RNMT: variants seen among roughly 807,000 people sequenced by gnomAD.
The protein encoded by RNMT is RNA guanine-7 methyltransferase.
A neutral mutation model predicts 56.0 loss-of-function variants in RNMT; 27 were observed. The observed-to-expected ratio is 0.48, with a 90% CI of 0.36 to 0.67. The LOEUF (loss-of-function observed/expected upper bound fraction) is 0.67, where lower values mean the gene tolerates loss of function less well. Ranked by LOEUF, RNMT falls within the 30% of genes least tolerant of loss-of-function variation. The pLI is 0.00. For missense variants in RNMT, 519 were observed against 552.1 expected (o/e 0.94, Z 0.60); for synonymous variants, 184 against 176.2 (o/e 1.04, Z -0.35).
intron 10 of RNMT, among the ~76,000 whole-genome samples, chr18:13,753,801 G>A (rs2044495061): frequency 8.0e-6 from 1 of 125,386 alleles, no homozygotes; most frequent in African/African-American, 3.3e-5. Flanking sequence ...ATACAAGATA[G>A]ATGCATTTTC....
chr18:13,750,603 C>T (rs2044424991), intron 9 of RNMT, among the ~76,000 whole-genome samples: 1 of 151,862 alleles, frequency 6.6e-6, no homozygotes, highest in Non-Finnish European at 1.5e-5. Flanking sequence ...AATTTAAGAC[C>T]AGCCTGGGCA....
intron 1 of RNMT, 181 bp from the exon 2 acceptor site, chr18:13,730,446 T>G (rs962424370): frequency 6.6e-6 from 1 of 152,222 alleles, no homozygotes; most frequent in Non-Finnish European, 1.5e-5. Context: ...TTGATGCCCT[T>G]AGTGTCCATA....
At chr18:13,749,498 C>G (rs545598704) in intron 9 of RNMT, among the ~76,000 whole-genome samples, 1 of 152,112 alleles carries the variant, frequency 6.6e-6, no homozygotes, top group South Asian at 2.1e-4. Context: ...AGAAAAGAGA[C>G]AAAGAAGATT....
rs768109426 is a variant in RNMT, at chr18:13,746,335, G to A, written c.1255G>A (p.Glu419Lys). Reference protein sequence around the residue: ...KMLLKRMQALEPYPANESSKL... With the variant: ...KMLLKRMQALKPYPANESSKL... ...GCTCTTAAAACGAATGCAGGCCTTG[G>A]AGGTGAGTATTTAGAAAAGATGTAC... is the stretch of plus-strand genomic sequence containing the variant. The change falls in exon 9 of 12, where the codon GAG becomes AAG. Residue 419 changes from glutamate to lysine, a missense_variant and splice_region_variant. Physicochemically the swap from Glu to Lys is moderately conservative, Grantham distance 56 (BLOSUM62 1). Coordinates refer to ENST00000383314, the MANE Select transcript of RNMT (RefSeq NM_003799.3). The A allele has an allele frequency of 4.0e-6, 6 of 1,485,454 alleles. No individual in the cohort carries two copies. The South Asian group carries it at 7.1e-5, about 18-fold the overall frequency. The allele number at this position is 1,485,454 out of a possible 1,614,324, so 92.0% of individuals were successfully genotyped here. A position where few individuals can be genotyped will look rare whatever the true frequency, so the allele number is the denominator to read the frequency against.
At chr18:13,732,739 C>G (rs1398619469) in intron 3 of RNMT, among the ~76,000 whole-genome samples, 1 of 102,454 alleles carries the variant, frequency 9.8e-6, no homozygotes, top group Non-Finnish European at 2.0e-5. Flanking sequence ...AGGGGAGCCC[C>G]CCCTTTTTTT....
chr18:13,744,445 T>C (rs1404066551), intron 8 of RNMT, among the ~76,000 whole-genome samples: 3 of 152,064 alleles, frequency 2.0e-5, no homozygotes, highest in Non-Finnish European at 4.4e-5. Flanking sequence ...AAGGGTTATT[T>C]TAGAGATTTA....
intron 1 of RNMT, among the ~76,000 whole-genome samples, chr18:13,728,447 T>A (rs541158490): frequency 5.3e-5 from 8 of 151,328 alleles, no homozygotes; most frequent in African/African-American, 1.9e-4. Context: ...GCGATTCTCA[T>A]GCCTCAGCCT....
chr18:13,748,438 A>G lies in RNMT; in HGVS notation c.1257+2101A>G, dbSNP rs541438723. On this transcript the variant is annotated intron_variant, in intron 9 of 11. Transcript: ENST00000383314. ...GTTAGGACACTACTTGGGTGGCATA[A>G]TGGGGGATGGTTTGGAGGGACTTTG... Among the ~76,000 whole-genome samples, 3 of 152,316 alleles carry G rather than the reference A, an allele frequency of 2.0e-5. 1 individual carries two copies. In the South Asian group the frequency reaches 6.2e-4, roughly 32 times the overall value.
rs780623968 is a variant in RNMT at position 13,731,594 on chromosome 18, CAG to C, written c.80_81del (p.Glu27ValfsTer6). 9.3e-6 allele frequency: 15 copies of C among 1,613,630 alleles called. No homozygotes were observed. The highest frequency in any genetic ancestry group is 3.3e-5 in the Admixed American group (2 of 59,864). ...GCAAAAGCGTCAGTGAATTCTGAAA[CAG>C]AGTCTTCATTCAATATTAATGAAAA... On this transcript the variant is annotated frameshift_variant, in exon 3 of 12. Coordinates refer to ENST00000383314, the MANE Select transcript of RNMT (RefSeq NM_003799.3). LOFTEE classifies it high-confidence loss of function.
At chr18:13,758,650 T>C (rs1006443110) in intron 11 of RNMT, among the ~76,000 whole-genome samples, 6 of 152,210 alleles carry the variant, frequency 3.9e-5, no homozygotes, top group Non-Finnish European at 8.8e-5. Flanking sequence ...TCAGACTTTT[T>C]CTGAAAATCA....
At chr18:13,739,118 T>G (rs2044212260) in intron 5 of RNMT, among the ~76,000 whole-genome samples, 1 of 152,166 alleles carries the variant, frequency 6.6e-6, no homozygotes, top group Non-Finnish European at 1.5e-5. Context: ...TAACCGTAGT[T>G]TGTCAGTCAT....
chr18:13,744,722 G>T (rs1205004267), intron 8 of RNMT, among the ~76,000 whole-genome samples: 2 of 152,140 alleles, frequency 1.3e-5, no homozygotes, highest in Non-Finnish European at 2.9e-5. Context: ...TGGCCCTCCA[G>T]TGTTTGCCCT....
intron 9 of RNMT, among the ~76,000 whole-genome samples, chr18:13,751,956 C>CG (rs1386979330): frequency 3.6e-4 from 54 of 150,422 alleles, no homozygotes; most frequent in African/African-American, 1.3e-3. Context: ...CATCACACAC[C>CG]GGGGGGCCTG....
intron 8 of RNMT, 24 bp downstream of exon 8, chr18:13,742,676 CTCTTT>C: frequency 1.3e-6 from 2 of 1,556,372 alleles, no homozygotes; most frequent in Non-Finnish European, 1.7e-6. Context: ...AATCTGTTCA[CTCTTT>C]TCTTTTTGTC....
Position 13,763,414 on chromosome 18 carries a change from C to T in RNMT, c.*3435C>T, listed in dbSNP as rs1353844864. The T allele has an allele frequency of 1.6e-5, 4 of 243,406 alleles. No homozygotes were observed. Among genetic ancestry groups the T allele is most frequent in the Admixed American group, 4.4e-5 (1 of 22,638 alleles). The allele number at this position is 243,406 out of a possible 1,614,324, so 15.1% of individuals were successfully genotyped here. A position where few individuals can be genotyped will look rare whatever the true frequency, so the allele number is the denominator to read the frequency against. ...ACTCCTTAGTGCCTGCACCTCACCACGATATTGAGGAAGCACAGGACATCC... is the reference window on the plus strand; with the variant it reads ...ACTCCTTAGTGCCTGCACCTCACCATGATATTGAGGAAGCACAGGACATCC... On this transcript the variant is annotated 3_prime_UTR_variant, in exon 12 of 12. Coordinates refer to ENST00000383314, the MANE Select transcript of RNMT (RefSeq NM_003799.3).
chr18:13,726,975 C>T (rs1413174236), intron 1 of RNMT: 1 of 152,266 alleles, frequency 6.6e-6, no homozygotes, highest in Non-Finnish European at 1.5e-5. Context: ...AGAAGCAGCT[C>T]GAAGAGCTGC....
chr18:13,738,551 A>G (rs1339902789), intron 5 of RNMT, among the ~76,000 whole-genome samples: 1 of 152,208 alleles, frequency 6.6e-6, no homozygotes, highest in Non-Finnish European at 1.5e-5. Context: ...AACCTTAGTG[A>G]TGAACTTTTT....
At chr18:13,752,226 G>T in intron 9 of RNMT, 100 bp from the exon 10 acceptor site, 2 of 687,652 alleles carry the variant, frequency 2.9e-6, no homozygotes, top group South Asian at 1.8e-5. Context: ...TAGTACTTAC[G>T]GATTATTCTC....
In RNMT at chr18:13,760,208, G is replaced by C; in HGVS notation, c.*229G>C. 1 of 1,238,656 alleles carries C rather than the reference G, an allele frequency of 8.1e-7. No individual in the cohort carries two copies. The highest frequency in any genetic ancestry group is 1.0e-6 in the Non-Finnish European group (1 of 989,098). The allele number at this position is 1,238,656 out of a possible 1,614,324, so 76.7% of individuals were successfully genotyped here. A position where few individuals can be genotyped will look rare whatever the true frequency, so the allele number is the denominator to read the frequency against. On this transcript the variant is annotated 3_prime_UTR_variant, in exon 12 of 12. Coordinates refer to ENST00000383314, the MANE Select transcript of RNMT (RefSeq NM_003799.3). ...CTCTGTCTTTAAAAATCTATTTTTA[G>C]GTAATGTTCTAAGAATTCCATTTGC...
Sources: allele counts gnomAD v4.1 joint callset (sites outside exome capture counted in the v4.1 genomes callset), GRCh38; gene constraint gnomAD v4.1.1; transcripts MANE v1.5; gene names NCBI Gene and HGNC (gene_info 2026-07-23, HGNC 2026-07-21).